LRRTM3: variants seen among roughly 807,000 people sequenced by gnomAD.
The protein encoded by LRRTM3 is leucine rich repeat transmembrane neuronal 3, also known as leucine-rich repeat transmembrane neuronal protein 3.
Under a neutral mutation model 44.7 loss-of-function variants are expected in LRRTM3, and 24 were observed. That is an observed-to-expected ratio of 0.54 (90% CI 0.39 to 0.76). LRRTM3 has a LOEUF of 0.76. Ranked by LOEUF, LRRTM3 falls within the 30% of genes least tolerant of loss-of-function variation. The pLI is 0.00. For synonymous variants in LRRTM3, 277 were observed against 278.7 expected, an observed-to-expected ratio of 0.99 and a Z score of 0.06; for missense variants, 587 against 702.2, an observed-to-expected ratio of 0.84 and a Z score of 1.85.
intron 2 of LRRTM3, among the ~76,000 whole-genome samples, chr10:67,068,236 G>A (rs1856212089): frequency 6.6e-6 from 1 of 152,146 alleles, no homozygotes; most frequent in African/African-American, 2.4e-5. Context: ...GTGACTGGAT[G>A]TGGAAAGAGG....
chr10:67,022,333 C>CTG (rs150014515), intron 2 of LRRTM3, among the ~76,000 whole-genome samples: 12 of 151,514 alleles, frequency 7.9e-5, no homozygotes, highest in East Asian at 5.8e-4. Context: ...ACACATGCCT[C>CTG]TGTGTGTGTG....
chr10:67,021,367 T>C (rs116933734), intron 2 of LRRTM3, among the ~76,000 whole-genome samples: 3,733 of 152,230 alleles, frequency 0.025, 63 homozygotes, highest in Non-Finnish European at 0.038. Flanking sequence ...AATAAATCAG[T>C]AAATAATACT....
At chr10:67,023,286 T>C (rs1853144472) in intron 2 of LRRTM3, among the ~76,000 whole-genome samples, 1 of 152,160 alleles carries the variant, frequency 6.6e-6, no homozygotes, top group Non-Finnish European at 1.5e-5. Flanking sequence ...CCAGGGAATG[T>C]GAAACTGCTG....
At chr10:67,016,658 G>C (rs1852677819) in intron 2 of LRRTM3, among the ~76,000 whole-genome samples, 1 of 152,140 alleles carries the variant, frequency 6.6e-6, no homozygotes, top group Non-Finnish European at 1.5e-5. Flanking sequence ...ATTTTTGGGG[G>C]AAAGGCACCT....
intron 2 of LRRTM3, among the ~76,000 whole-genome samples, chr10:67,075,119 A>G (rs1431722369): frequency 6.6e-6 from 1 of 151,886 alleles, no homozygotes; most frequent in Non-Finnish European, 1.5e-5. Flanking sequence ...ACTAAGGCTC[A>G]GAGAAGAGGG....
intron 2 of LRRTM3, among the ~76,000 whole-genome samples, chr10:66,929,559 G>A (rs925730829): frequency 1.4e-4 from 22 of 152,136 alleles, no homozygotes; most frequent in African/African-American, 4.8e-4. Context: ...TCCACCCACA[G>A]CCTCATTGAA....
In LRRTM3 at chr10:67,097,632, C is replaced by G; in HGVS notation, c.1582C>G (p.Pro528Ala). The G allele has an allele frequency of 6.2e-7, 1 of 1,612,606 alleles. No homozygotes were observed. Among genetic ancestry groups the G allele is most frequent in the Non-Finnish European group, 8.5e-7 (1 of 1,178,972 alleles). ...NVSTFLAYDQ[P>A]TISYCGVHHE... ...GTCAACCTTTCTGGCATACGACCAG[C>G]CCACAATAAGTTACTGTGGGGTGCA... Residue 528 changes from proline to alanine, a missense_variant, in exon 3 of 3, where the codon CCC becomes GCC. This residue lies in a region of LRRTM3 where 315 missense variants were observed against 335.6 expected (regional missense o/e 0.94). Transcript: ENST00000361320.
chr10:67,040,057 C>T (rs1309971980), intron 2 of LRRTM3, among the ~76,000 whole-genome samples: 1 of 152,106 alleles, frequency 6.6e-6, no homozygotes, highest in Non-Finnish European at 1.5e-5. Context: ...CCATTCATCT[C>T]TCTCTTTTTT....
intron 2 of LRRTM3, among the ~76,000 whole-genome samples, chr10:67,057,010 G>A (rs1206688786): frequency 6.6e-6 from 1 of 152,118 alleles, no homozygotes; most frequent in Non-Finnish European, 1.5e-5. Context: ...TCTCTAATTA[G>A]TCACAGTCAT....
chr10:67,083,473 G>A (rs931349620), intron 2 of LRRTM3, among the ~76,000 whole-genome samples: 1 of 151,280 alleles, frequency 6.6e-6, no homozygotes, highest in Non-Finnish European at 1.5e-5. Context: ...ACTGTGTTAT[G>A]TTTCGTTGTC....
intron 2 of LRRTM3, among the ~76,000 whole-genome samples, chr10:66,941,972 T>G (rs1848019430): frequency 6.6e-6 from 1 of 152,076 alleles, no homozygotes; most frequent in Non-Finnish European, 1.5e-5. Context: ...AGGAGGGAGA[T>G]CGTAGACTTC....
chr10:67,057,068 C>G (rs964499585), intron 2 of LRRTM3, among the ~76,000 whole-genome samples: 4 of 152,180 alleles, frequency 2.6e-5, no homozygotes, highest in African/African-American at 9.7e-5. Context: ...GGCTTCTTCT[C>G]TAGTCTAATT....
rs141742915 is a variant in LRRTM3 at position 67,061,498 on chromosome 10, G to C, written c.1537-36089G>C. On this transcript the variant is annotated intron_variant, in intron 2 of 2. Coordinates refer to ENST00000361320, the MANE Select transcript of LRRTM3 (RefSeq NM_178011.5). ...ATACCATTTGGCTCTTCTTATCTCTGTTCTGCATCTTTAGCTGGAGTGGAG... is the reference window on the plus strand; with the variant it reads ...ATACCATTTGGCTCTTCTTATCTCTCTTCTGCATCTTTAGCTGGAGTGGAG... Among the ~76,000 whole-genome samples the C allele has an allele frequency of 4.1e-4, 63 of 152,146 alleles. No homozygotes were observed. The East Asian group carries it at 0.01, about 25-fold the overall frequency.
chr10:67,065,441 T>C (rs2133233855), intron 2 of LRRTM3, among the ~76,000 whole-genome samples: 1 of 152,296 alleles, frequency 6.6e-6, no homozygotes, highest in East Asian at 1.9e-4. Flanking sequence ...TATTCTAATC[T>C]TGTGACAGAG....
At chr10:67,028,989 G>A (rs754157411) in intron 2 of LRRTM3, among the ~76,000 whole-genome samples, 2 of 152,022 alleles carry the variant, frequency 1.3e-5, no homozygotes, top group African/African-American at 2.4e-5. Context: ...CAATCATATC[G>A]CAACTCCCCA....
rs1564878146 is a variant in LRRTM3, at chr10:67,080,933, CAACAAA to C, written c.1537-16651_1537-16646del. On this transcript the variant is annotated intron_variant, in intron 2 of 2. Transcript: ENST00000361320. ...GAAAAAAAACAAAAAAACAAAAAAA[CAACAAA>C]AAAAAAAAAACAAAGAAGAGGTGAA... Among the ~76,000 whole-genome samples the C allele has an allele frequency of 3.8e-4, 54 of 142,046 alleles. 1 individual carries two copies. The highest frequency in any genetic ancestry group is 1.3e-3 in the African/African-American group (49 of 37,956). The allele number at this position is 142,046 out of a possible 152,430, so 93.2% of individuals were successfully genotyped here. A position where few individuals can be genotyped will look rare whatever the true frequency, so the allele number is the denominator to read the frequency against.
chr10:66,932,332 GTTTA>G (rs1405371934), intron 2 of LRRTM3, among the ~76,000 whole-genome samples: 1 of 152,076 alleles, frequency 6.6e-6, no homozygotes, highest in Non-Finnish European at 1.5e-5. Flanking sequence ...AACTCAAATC[GTTTA>G]TTTAAAGTGT....
chr10:67,042,701 A>AT (rs1361220303), intron 2 of LRRTM3, among the ~76,000 whole-genome samples: 5 of 152,100 alleles, frequency 3.3e-5, no homozygotes, highest in Non-Finnish European at 4.4e-5. Context: ...AGGAAAAAAA[A>AT]GAGGTGGTCA....
At chr10:66,941,694 C>A (rs1391788635) in intron 2 of LRRTM3, among the ~76,000 whole-genome samples, 1 of 152,192 alleles carries the variant, frequency 6.6e-6, no homozygotes. Context: ...CTAACAGCTG[C>A]AGCCTTGACC....
Sources: allele counts gnomAD v4.1 joint callset (sites outside exome capture counted in the v4.1 genomes callset), GRCh38; gene constraint gnomAD v4.1.1; regional missense constraint gnomAD v4.1.1; transcripts MANE v1.5; gene names NCBI Gene and HGNC (gene_info 2026-07-23, HGNC 2026-07-21).